KLHL29: variants seen among roughly 807,000 people sequenced by gnomAD.
KLHL29 encodes the protein kelch like family member 29.
Under a neutral mutation model 80.4 loss-of-function variants are expected in KLHL29, and 21 were observed. The observed-to-expected ratio is 0.26, with a 90% confidence interval of 0.19 to 0.38. KLHL29 has a LOEUF of 0.38. Among genes scored for constraint, KLHL29 ranks in the 10% least tolerant of loss-of-function variants. The pLI, the probability that KLHL29 is intolerant of heterozygous loss-of-function variation, is 1.00. For missense variants in KLHL29, 867 were observed against 1,223.9 expected (o/e 0.71, Z 4.35); for synonymous variants, 511 against 526.8 (o/e 0.97, Z 0.41).
chr2:23,629,949 C>T (rs956198401), intron 3 of KLHL29, among the ~76,000 whole-genome samples: 2 of 152,176 alleles, frequency 1.3e-5, no homozygotes, highest in South Asian at 2.1e-4. Flanking sequence ...CGGGAGGAGG[C>T]GCTGGGAAGA....
chr2:23,705,567 T>C (rs1268458324), intron 13 of KLHL29, among the ~76,000 whole-genome samples: 1 of 151,076 alleles, frequency 6.6e-6, no homozygotes, highest in South Asian at 2.1e-4. Context: ...AATCAGGTAA[T>C]AGGTGCACCA....
chr2:23,416,871 C>T (rs889385070), intron 1 of KLHL29, among the ~76,000 whole-genome samples: 2 of 152,168 alleles, frequency 1.3e-5, no homozygotes, highest in African/African-American at 4.8e-5. Flanking sequence ...GTACTGACCC[C>T]ACTGCTGACT....
At chr2:23,625,477 T>C (rs1254419162) in intron 3 of KLHL29, among the ~76,000 whole-genome samples, 2 of 152,198 alleles carry the variant, frequency 1.3e-5, no homozygotes, top group Non-Finnish European at 2.9e-5. Context: ...AGACTAGCGA[T>C]CATGGAGATT....
chr2:23,514,635 T>A (rs1665867341), intron 2 of KLHL29, among the ~76,000 whole-genome samples: 1 of 152,200 alleles, frequency 6.6e-6, no homozygotes, highest in Admixed American at 6.5e-5. Flanking sequence ...GTGGCCTGGA[T>A]CTTGCCATTG....
At chr2:23,584,781 G>A (rs1469034038) in intron 3 of KLHL29, among the ~76,000 whole-genome samples, 4 of 152,120 alleles carry the variant, frequency 2.6e-5, no homozygotes, top group African/African-American at 9.7e-5. Flanking sequence ...ATGTTGCCCA[G>A]GCCGGAGTGC....
Position 23,647,049 on chromosome 2 carries a change from G to A in KLHL29, c.940+4199G>A, listed in dbSNP as rs1215122789. 3.3e-5 allele frequency among the ~76,000 whole-genome samples: 5 copies of A among 152,222 alleles called. No individual in the cohort carries two copies. Among genetic ancestry groups the A allele is most frequent in the Non-Finnish European group, 5.9e-5 (4 of 68,032 alleles). ...GGCAGAAGGCCAGGCCCTCCCCAGC[G>A]CAGAGGAGATGGAAGAAGCCCATGC... On this transcript the variant is annotated intron_variant, in intron 5 of 13. Transcript: ENST00000486442. This position sits in a 1 kb window ranked among gnomAD's most constrained non-coding sequence, Gnocchi z 4.9.
intron 2 of KLHL29, among the ~76,000 whole-genome samples, chr2:23,523,168 A>T (rs1666160290): frequency 6.6e-6 from 1 of 152,040 alleles, no homozygotes; most frequent in Non-Finnish European, 1.5e-5. Flanking sequence ...CAAACCCGGA[A>T]CTCAGGAAGC....
chr2:23,639,678 A>T (rs1450913196), intron 4 of KLHL29, among the ~76,000 whole-genome samples: 7 of 152,094 alleles, frequency 4.6e-5, no homozygotes, highest in Non-Finnish European at 8.8e-5. Context: ...GGGGACTGGG[A>T]ATTAATTCGC....
intron 5 of KLHL29, among the ~76,000 whole-genome samples, chr2:23,674,831 A>C (rs1381830221): frequency 6.6e-6 from 1 of 151,990 alleles, no homozygotes; most frequent in Admixed American, 6.5e-5. Context: ...GGTGGGGCCA[A>C]CTACCTCATA....
chr2:23,643,207 C>T, intron 5 of KLHL29: 1 of 438,298 alleles, frequency 2.3e-6, no homozygotes, highest in Non-Finnish European at 4.3e-6. Context: ...GTCATCCACT[C>T]CTCTCAGGGC....
chr2:23,629,839 G>A (rs1669422799), intron 3 of KLHL29, among the ~76,000 whole-genome samples: 1 of 152,154 alleles, frequency 6.6e-6, no homozygotes, highest in Non-Finnish European at 1.5e-5. Context: ...AAAGAAGACA[G>A]GGCCCCAACA....
chr2:23,622,963 G>A (rs1456323393), intron 3 of KLHL29, among the ~76,000 whole-genome samples: 1 of 152,158 alleles, frequency 6.6e-6, no homozygotes, highest in East Asian at 1.9e-4. Context: ...AGGCAGCTGG[G>A]CTCCAGAGTC....
intron 2 of KLHL29, among the ~76,000 whole-genome samples, chr2:23,490,124 G>A (rs1665053894): frequency 6.6e-6 from 1 of 152,208 alleles, no homozygotes; most frequent in Non-Finnish European, 1.5e-5. Flanking sequence ...ATTCTCTGGA[G>A]GATTCTTTTG....
chr2:23,598,361 T>TG (rs1490368584), intron 3 of KLHL29, among the ~76,000 whole-genome samples: 1 of 152,096 alleles, frequency 6.6e-6, no homozygotes. Context: ...CAGGACAGAG[T>TG]GGAAGAGTTT....
intron 5 of KLHL29, among the ~76,000 whole-genome samples, chr2:23,645,591 G>A (rs1669904956): frequency 6.6e-6 from 1 of 152,256 alleles, no homozygotes; most frequent in African/African-American, 2.4e-5. Flanking sequence ...ATTGTTTGAC[G>A]TGACAACCTG....
chr2:23,693,548 C>A lies in KLHL29; in HGVS notation c.1542+20C>A. On this transcript the variant is annotated intron_variant, in intron 8 of 13. Transcript: ENST00000486442. ...ACACAGGTGGGGCCTGCCCTGTCCC[C>A]CGCCCCTTCTCTCTGGGTTTGGGGT... 1.3e-6 allele frequency: 2 copies of A among 1,538,148 alleles called. No homozygotes were observed. Among genetic ancestry groups the A allele is most frequent in the Non-Finnish European group, 1.8e-6 (2 of 1,135,956 alleles).
In KLHL29 at chr2:23,681,271, A is replaced by G. The variant is rs1421179312; in HGVS notation, c.941-3128A>G. ...AATTGAAAAATTCTTCTGAAAGTGA[A>G]TAATCTTCCCCAACTATTAAATCCA... On this transcript the variant is annotated intron_variant, in intron 5 of 13. Transcript: ENST00000486442. This position sits in a 1 kb window ranked among gnomAD's most constrained non-coding sequence, Gnocchi z 4.2. Among the ~76,000 whole-genome samples, 1 of 152,256 alleles carries G rather than the reference A, an allele frequency of 6.6e-6. No individual in the cohort carries two copies. Among genetic ancestry groups the G allele is most frequent in the African/African-American group, 2.4e-5 (1 of 41,482 alleles).
chr2:23,695,183 C>T lies in KLHL29; in HGVS notation c.1543-440C>T, dbSNP rs1422997512. On this transcript the variant is annotated intron_variant, in intron 8 of 13. Transcript: ENST00000486442. The surrounding 1 kb of genome is among the most constrained non-coding windows in gnomAD (Gnocchi z 7.6). The stretch of plus-strand genomic sequence containing the variant: ...CTGAGACTTACAAGCTCAATAGTCG[C>T]CATCTCCTTGAAGCTTTCCTGGGTC... Among the ~76,000 whole-genome samples the T allele has an allele frequency of 6.6e-6, 1 of 152,102 alleles. No homozygotes were observed. Among genetic ancestry groups the T allele is most frequent in the Non-Finnish European group, 1.5e-5 (1 of 68,024 alleles).
At chr2:23,387,307 T>A (rs1203696759) in intron 1 of KLHL29, among the ~76,000 whole-genome samples, 1 of 152,188 alleles carries the variant, frequency 6.6e-6, no homozygotes, top group Non-Finnish European at 1.5e-5. Context: ...TTCGGACTCC[T>A]CTTGCAATGA....
Sources: gnomAD v4.1 joint callset for allele counts (sites outside exome capture counted in the v4.1 genomes callset) on GRCh38, gnomAD v4.1.1 for gene constraint, Gnocchi (gnomAD v3.1) non-coding constraint, MANE v1.5 for transcripts, NCBI Gene and HGNC (gene_info 2026-07-23, HGNC 2026-07-21) for gene names.